Variants in STK32A observed in about 807,000 individuals in gnomAD.
STK32A encodes the protein serine/threonine-protein kinase 32A.
A neutral mutation model predicts 53.2 loss-of-function variants in STK32A; 41 were observed. The ratio of observed to expected loss-of-function variants is 0.77; its 90% CI spans 0.60 to 1.00. The LOEUF (loss-of-function observed/expected upper bound fraction) is 1.00. Among genes scored for constraint, STK32A ranks in the 50% least tolerant of loss-of-function variants. STK32A has a pLI of 0.00. For missense variants in STK32A, 458 were observed against 485.8 expected (o/e 0.94, Z 0.54); for synonymous variants, 166 against 162.8 (o/e 1.02, Z -0.15).
rs1459419926 is a variant in STK32A, at chr5:147,368,918, A to G, written c.661-1736A>G. Among the ~76,000 whole-genome samples the G allele has an allele frequency of 6.6e-5, 10 of 152,298 alleles. No individual in the cohort carries two copies. In the South Asian group the frequency reaches 1.9e-3, roughly 28 times the overall value. On this transcript the variant is annotated intron_variant, in intron 8 of 12. Transcript: ENST00000397936. ...GAGAAGCAGCAATGAATTAAAATCAAGAAGAAACACAGAAAAAAGTAAAAA... is the reference window on the plus strand; with the variant it reads ...GAGAAGCAGCAATGAATTAAAATCAGGAAGAAACACAGAAAAAAGTAAAAA...
rs186436462 is a variant in STK32A, at chr5:147,290,589, G to C, written c.260+11191G>C. On this transcript the variant is annotated intron_variant, in intron 4 of 12. Transcript: ENST00000397936. ...ACCTGTAGCTGCACACAACTCCTCA[G>C]GGCCTCTATCTCTTTACTCATGTCT... 8.7e-4 allele frequency among the ~76,000 whole-genome samples: 132 copies of C among 152,198 alleles called. 2 individuals are homozygous for C. Among genetic ancestry groups the C allele is most frequent in the African/African-American group, 2.8e-3 (117 of 41,530 alleles).
intron 2 of STK32A, among the ~76,000 whole-genome samples, chr5:147,242,873 C>T (rs1753635416): frequency 6.6e-6 from 1 of 152,240 alleles, no homozygotes; most frequent in East Asian, 1.9e-4. Flanking sequence ...CTGGATTGAG[C>T]ACAAGGTAAA....
chr5:147,332,252 G>T (rs75072448), intron 5 of STK32A, among the ~76,000 whole-genome samples: 1 of 151,896 alleles, frequency 6.6e-6, no homozygotes, highest in South Asian at 2.1e-4. Context: ...AAGTCCATTG[G>T]CTTTAGTATA....
intron 2 of STK32A, among the ~76,000 whole-genome samples, chr5:147,240,561 G>A (rs1361710913): frequency 6.6e-6 from 1 of 152,154 alleles, no homozygotes; most frequent in African/African-American, 2.4e-5. Context: ...CTTCAATTTT[G>A]TTATCAATAA....
chr5:147,388,061 G>T (rs1435467315), downstream of STK32A, among the ~76,000 whole-genome samples: 1 of 152,196 alleles, frequency 6.6e-6, no homozygotes, highest in Admixed American at 6.5e-5. Flanking sequence ...TGACCCACAT[G>T]TATAAAAACT....
At chr5:147,301,209 TCAGA>T (rs1332612308) in intron 4 of STK32A, among the ~76,000 whole-genome samples, 3 of 152,270 alleles carry the variant, frequency 2.0e-5, no homozygotes, top group Non-Finnish European at 2.9e-5. Flanking sequence ...GTAGCAACTC[TCAGA>T]AAGAATAGAT....
intron 11 of STK32A, among the ~76,000 whole-genome samples, chr5:147,378,653 G>T (rs947570235): frequency 1.3e-5 from 2 of 151,862 alleles, no homozygotes; most frequent in African/African-American, 4.8e-5. Flanking sequence ...TCAAGTGTTG[G>T]CAAGGGAATT....
At chr5:147,379,663 A>T (rs1285362566) in intron 11 of STK32A, among the ~76,000 whole-genome samples, 3 of 152,114 alleles carry the variant, frequency 2.0e-5, no homozygotes, top group Admixed American at 6.6e-5. Flanking sequence ...TAAAGTATAG[A>T]ATCAACAGAC....
intron 2 of STK32A, among the ~76,000 whole-genome samples, chr5:147,254,276 A>G (rs955760244): frequency 3.9e-5 from 6 of 152,168 alleles, no homozygotes; most frequent in Non-Finnish European, 8.8e-5. Flanking sequence ...CTGCTTCTTC[A>G]ACTCTTACCA....
At chr5:147,338,464 C>G (rs1005552734) in intron 5 of STK32A, among the ~76,000 whole-genome samples, 3 of 152,030 alleles carry the variant, frequency 2.0e-5, no homozygotes, top group Non-Finnish European at 2.9e-5. Flanking sequence ...ACTAATAAAG[C>G]CAATTGGTAT....
chr5:147,283,572 G>GA (rs1396210320), intron 4 of STK32A, among the ~76,000 whole-genome samples: 1 of 151,334 alleles, frequency 6.6e-6, no homozygotes, highest in Admixed American at 6.6e-5. Context: ...AAACAAGGGA[G>GA]AAAATCTAAA....
chr5:147,325,834 C>G (rs943690307), intron 5 of STK32A, among the ~76,000 whole-genome samples: 1 of 152,164 alleles, frequency 6.6e-6, no homozygotes, highest in Non-Finnish European at 1.5e-5. Context: ...TGGAGTCCCT[C>G]TCAAAACTTT....
intron 4 of STK32A, among the ~76,000 whole-genome samples, chr5:147,314,141 C>T (rs1380293472): frequency 6.6e-6 from 1 of 152,014 alleles, no homozygotes; most frequent in Non-Finnish European, 1.5e-5. Flanking sequence ...AGTGAAAAGT[C>T]ACCCCAGAGA....
the STK32A span, chr5:147,394,127 C>G: frequency 1.9e-6 from 3 of 1,613,336 alleles, no homozygotes; most frequent in South Asian, 1.1e-5. Context: ...TGGGTGCCTA[C>G]AGTTGGAAAT....
At chr5:147,393,443 A>G in the STK32A span, 1 of 152,514 alleles carries the variant, frequency 6.6e-6, no homozygotes, top group Non-Finnish European at 1.5e-5. Context: ...AAAGAACAGA[A>G]CCCAAAGACT....
chr5:147,276,122 C>T (rs576162346), intron 2 of STK32A, among the ~76,000 whole-genome samples: 1 of 152,198 alleles, frequency 6.6e-6, no homozygotes, highest in South Asian at 2.1e-4. Context: ...AAATAATACA[C>T]AACTCAGATT....
intron 7 of STK32A, among the ~76,000 whole-genome samples, chr5:147,352,399 G>T (rs1011531501): frequency 6.6e-6 from 1 of 152,150 alleles, no homozygotes; most frequent in African/African-American, 2.4e-5. Context: ...TTGGTTTCAC[G>T]TATAGTTGTG....
At position 147,335,435 on chromosome 5, in the gene STK32A, C is replaced by T. The variant is rs536684286; in HGVS notation, c.435-7571C>T. On this transcript the variant is annotated intron_variant, in intron 5 of 12. Coordinates refer to ENST00000397936, the MANE Select transcript of STK32A (RefSeq NM_001112724.2). ...AGCAGTATCACCAACTAGCTGGTTT[C>T]TTTCACTCTCTTCTCTCTTTTCCAT... Among the ~76,000 whole-genome samples the T allele has an allele frequency of 5.3e-5, 8 of 152,236 alleles. No homozygotes were observed. In the East Asian group the frequency reaches 1.5e-3, roughly 29 times the overall value.
the STK32A span, among the ~76,000 whole-genome samples, chr5:147,397,078 A>G: frequency 8.8e-3 from 1,298 of 148,020 alleles, 19 homozygotes; most frequent in African/African-American, 0.03. Context: ...GTATATATAA[A>G]TATAATACAT....
Sources: gnomAD v4.1 joint callset for allele counts (sites outside exome capture counted in the v4.1 genomes callset) on GRCh38, gnomAD v4.1.1 for gene constraint, MANE v1.5 for transcripts, NCBI Gene and HGNC (gene_info 2026-07-23, HGNC 2026-07-21) for gene names.